The following CDH12 variants were observed in gnomAD, a reference collection of about 807,000 sequenced individuals.
CDH12 encodes the protein cadherin-12.
Under a neutral mutation model 74.1 loss-of-function variants are expected in CDH12, and 41 were observed. The observed-to-expected ratio is 0.55, with a 90% CI of 0.43 to 0.72. The LOEUF is 0.72. Among genes scored for constraint, CDH12 ranks in the 30% least tolerant of loss-of-function variants. The probability of loss-of-function intolerance (pLI) is 0.00; values close to 1 mark genes in which losing one functional copy is unlikely to be tolerated. For synonymous variants in CDH12, 399 were observed against 355.0 expected (o/e 1.12, Z -1.39); for missense variants, 945 against 977.2 (o/e 0.97, Z 0.44).
At chr5:22,071,830 T>C (rs1167473409) in intron 5 of CDH12, among the ~76,000 whole-genome samples, 3 of 152,150 alleles carry the variant, frequency 2.0e-5, no homozygotes, top group African/African-American at 7.2e-5. Flanking sequence ...CTACAAGGGA[T>C]ACTAATAAAA....
intron 2 of CDH12, among the ~76,000 whole-genome samples, chr5:22,448,830 T>C (rs1488783649): frequency 6.6e-6 from 1 of 152,042 alleles, no homozygotes; most frequent in Non-Finnish European, 1.5e-5. Context: ...ATTTGGAGTT[T>C]CTTTTGCTAC....
intron 1 of CDH12, among the ~76,000 whole-genome samples, chr5:22,678,980 T>A (rs1275585706): frequency 6.6e-6 from 1 of 152,124 alleles, no homozygotes; most frequent in East Asian, 1.9e-4. Flanking sequence ...ATCGATATGT[T>A]CCTGTTAAAC....
At chr5:22,358,026 G>A (rs1473186314) in intron 3 of CDH12, among the ~76,000 whole-genome samples, 1 of 152,134 alleles carries the variant, frequency 6.6e-6, no homozygotes, top group Non-Finnish European at 1.5e-5. Context: ...ATCCTCTCCT[G>A]CTAAAGTGCA....
chr5:22,253,834 G>T lies in CDH12; in HGVS notation c.-332-41191C>A, dbSNP rs561870088. 5.9e-5 allele frequency among the ~76,000 whole-genome samples: 9 copies of T among 151,870 alleles called. No homozygotes were observed. In the South Asian group the frequency reaches 1.9e-3, roughly 32 times the overall value. On this transcript the variant is annotated intron_variant, in intron 3 of 14. Coordinates refer to ENST00000382254, the MANE Select transcript of CDH12 (RefSeq NM_004061.5). ...CTATGCTCTCTTGATGAATGGAAGT[G>T]GTGCTTACTAAATAATGAGGCACAC...
intron 6 of CDH12, among the ~76,000 whole-genome samples, chr5:21,950,885 C>G (rs1417260541): frequency 6.6e-6 from 1 of 151,062 alleles, no homozygotes; most frequent in African/African-American, 2.4e-5. Flanking sequence ...CTCCCAGGTT[C>G]ATGCCATTCT....
chr5:22,763,991 G>C (rs965341626), intron 1 of CDH12, among the ~76,000 whole-genome samples: 2 of 151,770 alleles, frequency 1.3e-5, no homozygotes, highest in African/African-American at 4.8e-5. Context: ...CAAAATTGTG[G>C]AATACATTTT....
At chr5:22,272,492 T>C (rs1736441731) in intron 3 of CDH12, among the ~76,000 whole-genome samples, 1 of 152,202 alleles carries the variant, frequency 6.6e-6, no homozygotes, top group South Asian at 2.1e-4. Flanking sequence ...TCTTTTGAAT[T>C]CACAATTTAG....
At chr5:21,832,572 T>C (rs1328444349) in intron 8 of CDH12, among the ~76,000 whole-genome samples, 1 of 151,298 alleles carries the variant, frequency 6.6e-6, no homozygotes, top group East Asian at 1.9e-4. Context: ...AGTGTCTGTT[T>C]GTTTAGTTAG....
intron 2 of CDH12, among the ~76,000 whole-genome samples, chr5:22,408,576 T>A (rs897243854): frequency 6.7e-6 from 1 of 150,066 alleles, no homozygotes; most frequent in Admixed American, 6.7e-5. Context: ...TATATATGCA[T>A]ATTATTATAT....
intron 3 of CDH12, among the ~76,000 whole-genome samples, chr5:22,306,834 T>C (rs1353989078): frequency 6.6e-6 from 1 of 152,198 alleles, no homozygotes; most frequent in Non-Finnish European, 1.5e-5. Context: ...AAATTAGATG[T>C]ACCATGCCTC....
intron 2 of CDH12, among the ~76,000 whole-genome samples, chr5:22,411,383 A>G (rs1580619419): frequency 6.6e-6 from 1 of 151,938 alleles, no homozygotes; most frequent in Non-Finnish European, 1.5e-5. Context: ...TCATTTACTT[A>G]AATAGTATGA....
At chr5:22,812,677 A>G (rs1749208653) in intron 1 of CDH12, among the ~76,000 whole-genome samples, 1 of 152,166 alleles carries the variant, frequency 6.6e-6, no homozygotes, top group Non-Finnish European at 1.5e-5. Flanking sequence ...AAAGAACTGG[A>G]GGTCTCAAGT....
intron 1 of CDH12, among the ~76,000 whole-genome samples, chr5:22,689,178 A>G (rs1350585962): frequency 6.6e-6 from 1 of 152,156 alleles, no homozygotes; most frequent in Non-Finnish European, 1.5e-5. Context: ...TTACTTGGAA[A>G]CTGTCCTGGT....
At chr5:22,067,541 T>A (rs753021790) in intron 5 of CDH12, among the ~76,000 whole-genome samples, 5 of 152,126 alleles carry the variant, frequency 3.3e-5, no homozygotes, top group Non-Finnish European at 7.3e-5. Flanking sequence ...CTGAGATAGA[T>A]GCAGTCTGCT....
intron 1 of CDH12, among the ~76,000 whole-genome samples, chr5:22,851,116 C>G (rs890431850): frequency 6.6e-6 from 1 of 151,948 alleles, no homozygotes; most frequent in Non-Finnish European, 1.5e-5. Context: ...ATTTTCTTCC[C>G]CATAAACTAA....
chr5:22,781,134 CTATAAA>C (rs530076210), intron 1 of CDH12, among the ~76,000 whole-genome samples: 47 of 152,270 alleles, frequency 3.1e-4, no homozygotes, highest in African/African-American at 7.9e-4. Context: ...TTTGAATCCT[CTATAAA>C]TATAAAGTGT....
chr5:22,567,966 A>G (rs1415448029), intron 1 of CDH12, among the ~76,000 whole-genome samples: 2 of 152,200 alleles, frequency 1.3e-5, no homozygotes, highest in African/African-American at 2.4e-5. Flanking sequence ...ATTCCTCAAT[A>G]TACACTATCA....
At chr5:22,710,133 A>G (rs997643117) in intron 1 of CDH12, among the ~76,000 whole-genome samples, 1 of 152,180 alleles carries the variant, frequency 6.6e-6, no homozygotes, top group Non-Finnish European at 1.5e-5. Flanking sequence ...TATAATTTAT[A>G]TTATGTTGTG....
At chr5:22,548,492 A>G (rs1738425646) in intron 1 of CDH12, among the ~76,000 whole-genome samples, 1 of 151,806 alleles carries the variant, frequency 6.6e-6, no homozygotes, top group East Asian at 1.9e-4. Flanking sequence ...GAAAACTATC[A>G]TTTTTTTTCC....
Sources: gnomAD v4.1 joint callset for allele counts (sites outside exome capture counted in the v4.1 genomes callset) on GRCh38, gnomAD v4.1.1 for gene constraint, MANE v1.5 for transcripts, NCBI Gene and HGNC (gene_info 2026-07-23, HGNC 2026-07-21) for gene names.